PKP4: variants seen among roughly 807,000 people sequenced by gnomAD.
PKP4 encodes the protein plakophilin-4.
A neutral mutation model predicts 145.1 loss-of-function variants in PKP4; 90 were observed. The ratio of observed to expected loss-of-function variants is 0.62; its 90% CI spans 0.52 to 0.74. The LOEUF (loss-of-function observed/expected upper bound fraction) is 0.74, where lower values mean the gene tolerates loss of function less well. PKP4 is among the 30% of genes least tolerant of loss of function. The pLI is 0.00. For missense variants in PKP4, 1,340 were observed against 1,482.7 expected (o/e 0.90, Z 1.58); for synonymous variants, 563 against 577.2 (o/e 0.98, Z 0.35).
chr2:158,611,879 C>T (rs2051179428), intron 4 of PKP4, among the ~76,000 whole-genome samples: 1 of 152,092 alleles, frequency 6.6e-6, no homozygotes, highest in South Asian at 2.1e-4. Flanking sequence ...AAGTTTCTCT[C>T]CCTTATTTTC....
intron 2 of PKP4, among the ~76,000 whole-genome samples, chr2:158,555,200 A>G (rs2045987955): frequency 1.3e-5 from 2 of 152,198 alleles, no homozygotes; most frequent in Admixed American, 1.3e-4. Flanking sequence ...TATGTAAATT[A>G]TGAGTGCTTA....
intron 4 of PKP4, among the ~76,000 whole-genome samples, chr2:158,613,309 A>C (rs867563122): frequency 2.3e-4 from 35 of 152,356 alleles, no homozygotes; most frequent in Non-Finnish European, 2.9e-4. Flanking sequence ...TTTCAGGATA[A>C]GTAAATAATC....
intron 1 of PKP4, among the ~76,000 whole-genome samples, chr2:158,521,747 G>C (rs1281515386): frequency 6.6e-6 from 1 of 152,090 alleles, no homozygotes; most frequent in African/African-American, 2.4e-5. Context: ...TAATTTCCTA[G>C]TACTTCATTC....
chr2:158,458,160 G>T (rs1029799175), intron 1 of PKP4: 1 of 152,914 alleles, frequency 6.5e-6, no homozygotes, highest in African/African-American at 2.4e-5. Flanking sequence ...GACGCGCGCT[G>T]CCGGCTCCTG....
intron 7 of PKP4, among the ~76,000 whole-genome samples, chr2:158,628,612 T>C (rs558775676): frequency 6.6e-6 from 1 of 152,362 alleles, no homozygotes; most frequent in African/African-American, 2.4e-5. Context: ...CTAATGATCC[T>C]ATAACGAGTG....
chr2:158,531,245 T>A (rs2105618953), intron 1 of PKP4, among the ~76,000 whole-genome samples: 1 of 152,362 alleles, frequency 6.6e-6, no homozygotes, highest in South Asian at 2.1e-4. Flanking sequence ...CATTTCTGTT[T>A]CTCCTTTTCT....
At chr2:158,651,430 A>G (rs1484195725) in intron 11 of PKP4, among the ~76,000 whole-genome samples, 1 of 81,668 alleles carries the variant, frequency 1.2e-5, no homozygotes, top group Non-Finnish European at 3.2e-5. Context: ...CTCCTAGCCC[A>G]TTGGCCTCAC....
intron 4 of PKP4, among the ~76,000 whole-genome samples, chr2:158,604,013 C>T (rs147978543): frequency 7.2e-5 from 11 of 152,316 alleles, no homozygotes; most frequent in East Asian, 3.9e-4. Context: ...ATAGCGTTAA[C>T]TCAAACTGTT....
chr2:158,503,513 C>A (rs1696884930), intron 1 of PKP4, among the ~76,000 whole-genome samples: 1 of 152,064 alleles, frequency 6.6e-6, no homozygotes, highest in Non-Finnish European at 1.5e-5. Flanking sequence ...TTTATCAAAT[C>A]CTGTTTTAAA....
chr2:158,678,482 G>T (rs569837389), intron 20 of PKP4, 99 bp from the exon 21 acceptor site: 2 of 834,108 alleles, frequency 2.4e-6, no homozygotes, highest in Non-Finnish European at 4.2e-6. Flanking sequence ...GACAGGCCCT[G>T]TCGGGGACAG....
intron 2 of PKP4, among the ~76,000 whole-genome samples, chr2:158,551,304 G>A (rs1003635485): frequency 2.0e-5 from 3 of 152,184 alleles, no homozygotes; most frequent in Non-Finnish European, 2.9e-5. Flanking sequence ...ACATTAATTA[G>A]CATTACCATT....
At chr2:158,545,311 C>T in intron 2 of PKP4, among the ~76,000 whole-genome samples, 1 of 151,974 alleles carries the variant, frequency 6.6e-6, no homozygotes, top group Non-Finnish European at 1.5e-5. Context: ...GTAATCCCAC[C>T]AGCAGCAGTG....
chr2:158,667,475 G>A (rs1328047028), intron 16 of PKP4, among the ~76,000 whole-genome samples: 1 of 152,190 alleles, frequency 6.6e-6, no homozygotes, highest in African/African-American at 2.4e-5. Context: ...CTGGTGACAG[G>A]TCAGGGGAGA....
chr2:158,571,418 G>T (rs1253344317), intron 2 of PKP4, among the ~76,000 whole-genome samples: 1 of 152,142 alleles, frequency 6.6e-6, no homozygotes, highest in African/African-American at 2.4e-5. Context: ...AGAATATTAT[G>T]AACTACTTTA....
intron 2 of PKP4, among the ~76,000 whole-genome samples, chr2:158,565,310 G>A (rs2046876121): frequency 6.6e-6 from 1 of 152,038 alleles, no homozygotes; most frequent in Admixed American, 6.6e-5. Context: ...CATAAGGGAG[G>A]ATGTATTTTA....
intron 9 of PKP4, among the ~76,000 whole-genome samples, chr2:158,636,684 A>G (rs1459924260): frequency 6.6e-6 from 1 of 152,118 alleles, no homozygotes; most frequent in Non-Finnish European, 1.5e-5. Context: ...AGATTACTGA[A>G]TCTGTCTTCA....
chr2:158,479,214 TA>T (rs1692965465), intron 1 of PKP4, among the ~76,000 whole-genome samples: 1 of 151,970 alleles, frequency 6.6e-6, no homozygotes, highest in African/African-American at 2.4e-5. Flanking sequence ...TTTTTAAATT[TA>T]TTTTATTATT....
Position 158,680,707 on chromosome 2 carries a change from C to A in PKP4, c.*30C>A. On this transcript the variant is annotated 3_prime_UTR_variant, in exon 22 of 22. Transcript: ENST00000389759. ...AAGATGCCCAACAGAGGAACTCTTT[C>A]TTTCTAACCTTGTTCAGATTGAGGT... 1 of 1,563,054 alleles carries A rather than the reference C, an allele frequency of 6.4e-7. No individual in the cohort carries two copies. The highest frequency in any genetic ancestry group is 8.6e-7 in the Non-Finnish European group (1 of 1,156,654).
chr2:158,586,225 G>T (rs2048793233), intron 3 of PKP4, among the ~76,000 whole-genome samples: 1 of 152,144 alleles, frequency 6.6e-6, no homozygotes, highest in Admixed American at 6.5e-5. Context: ...GTGCTGCTGA[G>T]TATTGTATTT....
Sources: gnomAD v4.1 joint callset for allele counts (sites outside exome capture counted in the v4.1 genomes callset) on GRCh38, gnomAD v4.1.1 for gene constraint, MANE v1.5 for transcripts, NCBI Gene and HGNC (gene_info 2026-07-23, HGNC 2026-07-21) for gene names.